OSBPL6: variants seen among roughly 807,000 people sequenced by gnomAD.
OSBPL6 encodes the protein oxysterol-binding protein-related protein 6.
Under a neutral mutation model 125.8 loss-of-function variants are expected in OSBPL6, and 49 were observed. The observed-to-expected ratio is 0.39, with a 90% CI of 0.31 to 0.49. The LOEUF is 0.49. Among genes scored for constraint, OSBPL6 ranks in the 20% least tolerant of loss-of-function variants. The pLI is 0.88. For synonymous variants in OSBPL6, 394 were observed against 391.8 expected, an observed-to-expected ratio of 1.01 and a Z score of -0.07; for missense variants, 986 against 1,135.4, an observed-to-expected ratio of 0.87 and a Z score of 1.89.
At chr2:178,302,435 A>G (rs1177676820) in intron 2 of OSBPL6, among the ~76,000 whole-genome samples, 2 of 152,132 alleles carry the variant, frequency 1.3e-5, no homozygotes, top group Non-Finnish European at 2.9e-5. Flanking sequence ...CAGTTCCTAC[A>G]CTCTAAAGAA....
chr2:178,260,490 T>C (rs2092023876), intron 1 of OSBPL6, among the ~76,000 whole-genome samples: 1 of 152,174 alleles, frequency 6.6e-6, no homozygotes, highest in Admixed American at 6.5e-5. Context: ...TGTTTCAGGC[T>C]CATTCTATTT....
chr2:178,383,218 A>G lies in OSBPL6; in HGVS notation c.1816A>G (p.Met606Val). 1 of 1,614,228 alleles carries G rather than the reference A, an allele frequency of 6.2e-7. No homozygotes were observed. Among genetic ancestry groups the G allele is most frequent in the Non-Finnish European group, 8.5e-7 (1 of 1,180,036 alleles). Residue 606 changes from methionine (M) to valine (V), a missense_variant, in exon 17 of 25, where the codon ATG becomes GTG. Met to Val is a conservative substitution (Grantham distance 21). Transcript: ENST00000190611. ...LNTLQHLCEEMEYSELLDKAS... is the reference protein window; with the variant it reads ...LNTLQHLCEEVEYSELLDKAS... ...CACCCTGCAGCACCTCTGTGAGGAA[A>G]TGGAATACAGCGAGCTCCTGGACAA... is the stretch of plus-strand genomic sequence containing the variant.
intron 16 of OSBPL6, chr2:178,382,800 A>G: frequency 1.4e-6 from 2 of 1,411,124 alleles, no homozygotes; most frequent in Non-Finnish European, 1.9e-6. Flanking sequence ...CTTGTCTTGA[A>G]TGATATTTGA....
At chr2:178,333,427 A>T (rs1464838438) in intron 8 of OSBPL6, among the ~76,000 whole-genome samples, 2 of 152,212 alleles carry the variant, frequency 1.3e-5, no homozygotes, top group Admixed American at 6.5e-5. Flanking sequence ...AAATTATGCA[A>T]ATGCATAACT....
chr2:178,318,150 A>G (rs1452449481), intron 3 of OSBPL6, among the ~76,000 whole-genome samples: 1 of 152,166 alleles, frequency 6.6e-6, no homozygotes, highest in African/African-American at 2.4e-5. Context: ...TATCTCTTTC[A>G]TAGTCAATAT....
At chr2:178,330,443 C>T (rs1689100548) in intron 5 of OSBPL6, among the ~76,000 whole-genome samples, 1 of 152,186 alleles carries the variant, frequency 6.6e-6, no homozygotes, top group Non-Finnish European at 1.5e-5. Context: ...GATGTCAGCC[C>T]ATTTGATTGA....
chr2:178,238,222 T>C (rs1162056292), intron 1 of OSBPL6, among the ~76,000 whole-genome samples: 1 of 152,186 alleles, frequency 6.6e-6, no homozygotes, highest in East Asian at 1.9e-4. Flanking sequence ...AAACAAATCA[T>C]ACATCTTAAA....
chr2:178,290,413 T>G (rs560108580), intron 2 of OSBPL6, among the ~76,000 whole-genome samples: 1 of 133,596 alleles, frequency 7.5e-6, no homozygotes, highest in South Asian at 2.5e-4. Context: ...TTCACATACT[T>G]AATTGTAGTG....
At chr2:178,245,065 T>C (rs912566956) in intron 1 of OSBPL6, among the ~76,000 whole-genome samples, 1 of 152,236 alleles carries the variant, frequency 6.6e-6, no homozygotes, top group Non-Finnish European at 1.5e-5. Flanking sequence ...TGGATTATAC[T>C]GCAGCAACTT....
chr2:178,265,375 C>G (rs944985905), intron 1 of OSBPL6, among the ~76,000 whole-genome samples: 1 of 151,060 alleles, frequency 6.6e-6, no homozygotes, highest in Non-Finnish European at 1.5e-5. Flanking sequence ...CCAGGCCTGG[C>G]TAATTTATTT....
In OSBPL6 at chr2:178,398,081, G is replaced by A. The variant is rs1356355631; in HGVS notation, c.*2522G>A. ...CTGTGGAATATTCATTGGTGCGATG[G>A]CCTCATCCCCTTTTTTACTTTTTAT... On this transcript the variant is annotated 3_prime_UTR_variant, in exon 25 of 25. Coordinates refer to ENST00000190611, the MANE Select transcript of OSBPL6 (RefSeq NM_032523.4). 2 of 152,098 alleles carry A rather than the reference G, an allele frequency of 1.3e-5. No homozygotes were observed. The highest frequency in any genetic ancestry group is 2.9e-5 in the Non-Finnish European group (2 of 68,006). 9.4% of individuals were successfully genotyped at this position (152,098 alleles called of 1,614,324 possible).
chr2:178,369,962 C>T (rs765544051), intron 13 of OSBPL6, among the ~76,000 whole-genome samples: 2 of 152,060 alleles, frequency 1.3e-5, no homozygotes, highest in Non-Finnish European at 2.9e-5. Flanking sequence ...ATGAAACCCT[C>T]AGGTCAAGAC....
At chr2:178,367,368 C>T (rs1323034283) in intron 13 of OSBPL6, among the ~76,000 whole-genome samples, 1 of 152,170 alleles carries the variant, frequency 6.6e-6, no homozygotes, top group African/African-American at 2.4e-5. Flanking sequence ...CTAGCTTTGA[C>T]AGTTTCTATG....
At position 178,209,001 on chromosome 2, in the gene OSBPL6, G is replaced by T. The variant is rs916180447; in HGVS notation, c.-351+14327G>T. Among the ~76,000 whole-genome samples, 3 of 152,096 alleles carry T rather than the reference G, an allele frequency of 2.0e-5. No individual in the cohort carries two copies. The South Asian group carries it at 6.2e-4, about 32-fold the overall frequency. ...TTTAGTCCACTGCCCCCTAGCTTCT[G>T]AACTTACTGTTAAGAAGACCAAAGC... On this transcript the variant is annotated intron_variant, in intron 1 of 24. Coordinates refer to ENST00000190611, the MANE Select transcript of OSBPL6 (RefSeq NM_032523.4).
intron 9 of OSBPL6, 36 bp downstream of exon 9, chr2:178,336,469 A>G: frequency 6.2e-7 from 1 of 1,603,104 alleles, no homozygotes. Context: ...AGAGTAAGCC[A>G]AAACCAAACA....
At chr2:178,202,819 CAAA>C (rs201542787) in intron 1 of OSBPL6, among the ~76,000 whole-genome samples, 3 of 78,178 alleles carry the variant, frequency 3.8e-5, no homozygotes, top group Non-Finnish European at 5.4e-5. Flanking sequence ...GAGACTGTCT[CAAA>C]AAAAAAAAAA....
At chr2:178,385,075 G>T (rs1040770304) in intron 18 of OSBPL6, among the ~76,000 whole-genome samples, 23 of 152,084 alleles carry the variant, frequency 1.5e-4, no homozygotes, top group Admixed American at 4.6e-4. Flanking sequence ...TCACACACTG[G>T]GGCCTGTTGG....
intron 2 of OSBPL6, among the ~76,000 whole-genome samples, chr2:178,300,257 T>A (rs758249837): frequency 1.3e-5 from 2 of 152,148 alleles, no homozygotes; most frequent in Non-Finnish European, 2.9e-5. Flanking sequence ...TTCCAAGGGA[T>A]GGGCAGGGGG....
intron 1 of OSBPL6, among the ~76,000 whole-genome samples, chr2:178,257,860 A>G (rs953154919): frequency 6.6e-6 from 1 of 151,846 alleles, no homozygotes; most frequent in Non-Finnish European, 1.5e-5. Context: ...CAGTGGCACA[A>G]TCAGTGCAGG....
Sources: gnomAD v4.1 joint callset for allele counts (sites outside exome capture counted in the v4.1 genomes callset) on GRCh38, gnomAD v4.1.1 for gene constraint, MANE v1.5 for transcripts, NCBI Gene and HGNC (gene_info 2026-07-23, HGNC 2026-07-21) for gene names.